Variants in KIFC3 observed in about 807,000 individuals in gnomAD.
KIFC3 encodes the protein kinesin family member C3, also known as kinesin-like protein KIFC3.
In KIFC3, 60 loss-of-function variants were observed where a neutral mutation model predicts 101.8. The ratio of observed to expected loss-of-function variants is 0.59; its 90% confidence interval spans 0.48 to 0.73. KIFC3 has a LOEUF of 0.73. Ranked by LOEUF, KIFC3 falls within the 30% of genes least tolerant of loss-of-function variation. The pLI, the probability that KIFC3 is intolerant of heterozygous loss-of-function variation, is 0.00. For missense variants in KIFC3, 966 were observed against 1,137.1 expected, an observed-to-expected ratio of 0.85 and a Z score of 2.16; for synonymous variants, 476 against 482.7, an observed-to-expected ratio of 0.99 and a Z score of 0.18.
chr16:57,844,864 CAGG>C (rs1688966263), intron 1 of KIFC3, among the ~76,000 whole-genome samples: 2 of 152,298 alleles, frequency 1.3e-5, no homozygotes, highest in South Asian at 4.1e-4. Flanking sequence ...TTGAACAAGG[CAGG>C]CATTCAGTCA....
chr16:57,786,944 C>T (rs943677256), intron 3 of KIFC3, among the ~76,000 whole-genome samples: 8 of 152,204 alleles, frequency 5.3e-5, no homozygotes, highest in South Asian at 2.1e-4. Context: ...ACGCACAGGT[C>T]GGCTCTTCCC....
At position 57,769,009 on chromosome 16, in the gene KIFC3, A is replaced by AT. The variant is rs1346282161; in HGVS notation, c.1218+585dup. On this transcript the variant is annotated intron_variant, in intron 9 of 19. Transcript: ENST00000445690. The surrounding 1 kb of genome is among the most constrained non-coding windows in gnomAD (Gnocchi z 4.3). ...TAATGAACCCTGTCTCTAATAAATAATTTTTTTAAAAAATACGTATGTAGC... is the reference window on the plus strand; with the variant it reads ...TAATGAACCCTGTCTCTAATAAATAATTTTTTTTAAAAAATACGTATGTAGC... Among the ~76,000 whole-genome samples, 4 of 152,212 alleles carry AT rather than the reference A, an allele frequency of 2.6e-5. No individual in the cohort carries two copies. In the South Asian group the frequency reaches 8.3e-4, roughly 32 times the overall value.
At chr16:57,803,485 C>T, upstream of KIFC3, 1 of 435,770 alleles carries the variant, frequency 2.3e-6, no homozygotes, top group Non-Finnish European at 4.6e-6. Context: ...TACTCTGTCC[C>T]TTCCTGCTTG....
At chr16:57,785,756 G>C (rs1227176722) in intron 3 of KIFC3, 2 of 757,982 alleles carry the variant, frequency 2.6e-6, no homozygotes, top group Non-Finnish European at 3.5e-6. Flanking sequence ...GACCACCAGG[G>C]ATGATAGAGG....
chr16:57,855,119 CTTTTTTTTTT>C lies in KIFC3; in HGVS notation c.108+7600_108+7609del, dbSNP rs1229988962. Among the ~76,000 whole-genome samples the C allele has an allele frequency of 1.1e-4, 12 of 105,070 alleles. No homozygotes were observed. The East Asian group carries it at 3.0e-3, about 26-fold the overall frequency. The allele number at this position is 105,070 out of a possible 152,430, so 68.9% of individuals were successfully genotyped here. A position where few individuals can be genotyped will look rare whatever the true frequency, so the allele number is the denominator to read the frequency against. ...AGGGGTTCCCCCTCCCCATTTCTTT[CTTTTTTTTTT>C]TTTTTTTTTTTTTTAGACATGGTCT... On this transcript the variant is annotated intron_variant, in intron 1 of 2. Coordinates refer to the KIFC3 transcript ENST00000563028.
In KIFC3 at chr16:57,774,924, C is replaced by T. The variant is rs782041004; in HGVS notation, c.316-2636G>A. 51 of 1,468,860 alleles carry T rather than the reference C, an allele frequency of 3.5e-5. No homozygotes were observed. In the East Asian group the frequency reaches 7.4e-4, roughly 21 times the overall value. The allele number at this position is 1,468,860 out of a possible 1,614,324, so 91.0% of individuals were successfully genotyped here. ...TTCAAAAGGTTGAAGTCTCCTTCCA[C>T]GCCCCCTCCCTCCCCAGAAAGGCTG... On this transcript the variant is annotated intron_variant, in intron 3 of 19. Transcript: ENST00000445690.
At chr16:57,813,576 C>A in intron 1 of KIFC3, 1 of 592,006 alleles carries the variant, frequency 1.7e-6, no homozygotes. Flanking sequence ...CTCTAACCAC[C>A]TTCTGAGAAT....
chr16:57,768,774 G>A (rs1267054870), intron 9 of KIFC3, among the ~76,000 whole-genome samples: 3 of 152,142 alleles, frequency 2.0e-5, no homozygotes, highest in African/African-American at 7.2e-5. Flanking sequence ...GGAGCTAACG[G>A]CTATAAACAG....
chr16:57,836,206 C>G (rs2055682817), intron 1 of KIFC3, among the ~76,000 whole-genome samples: 1 of 152,142 alleles, frequency 6.6e-6, no homozygotes, highest in Non-Finnish European at 1.5e-5. Context: ...CTTGACCTTC[C>G]TGGGGTCTAG....
At chr16:57,766,794 G>C (rs2050535506) in intron 10 of KIFC3, 80 bp downstream of exon 10, 1 of 869,900 alleles carries the variant, frequency 1.1e-6, no homozygotes, top group Non-Finnish European at 1.9e-6. Context: ...CCTCAATGGT[G>C]GGGTGAGCTC....
Position 57,771,214 on chromosome 16 carries a change from T to G in KIFC3, c.749A>C (p.Gln250Pro). The G allele has an allele frequency of 6.2e-7, 1 of 1,612,730 alleles. No homozygotes were observed. The highest frequency in any genetic ancestry group is 1.1e-5 in the South Asian group (1 of 91,026). Reference sequence around the variant, plus strand: ...AGGGCTCACCTTGACAGGTGGGGACTGGGCCCGCAGGCTGGCAATGGTCTC... The same window carrying G: ...AGGGCTCACCTTGACAGGTGGGGACGGGGCCCGCAGGCTGGCAATGGTCTC... ...SHETIASLRA[Q>P]SPPVKYVIKT... The change falls in exon 6 of 20, where the codon CAG becomes CCG. Residue 250 changes from glutamine (Q) to proline (P), a missense_variant. Coordinates refer to ENST00000445690, the MANE Select transcript of KIFC3 (RefSeq NM_001130100.2).
chr16:57,768,501 A>G (rs2148928824), intron 9 of KIFC3, among the ~76,000 whole-genome samples: 1 of 146,638 alleles, frequency 6.8e-6, no homozygotes, highest in African/African-American at 2.6e-5. Flanking sequence ...AGGGCCTACC[A>G]TATATTCTCA....
chr16:57,825,553 C>G (rs987885452), intron 1 of KIFC3, among the ~76,000 whole-genome samples: 1 of 152,242 alleles, frequency 6.6e-6, no homozygotes, highest in African/African-American at 2.4e-5. Flanking sequence ...AGAGTGGCAG[C>G]TGCCCACCCA....
rs781784622 is a variant in KIFC3 at position 57,766,936 on chromosome 16, C to T, written c.1268G>A (p.Arg423His). 5 of 1,613,072 alleles carry T rather than the reference C, an allele frequency of 3.1e-6. No individual in the cohort carries two copies. The highest frequency in any genetic ancestry group is 2.2e-5 in the South Asian group (2 of 91,070). The change falls in exon 10 of 20, where the codon CGC becomes CAC. Residue 423 changes from arginine to histidine, a missense_variant. By Grantham distance (29) the Arg-to-His change is conservative (BLOSUM62 0). Transcript: ENST00000445690. ...EVNSNNQELL[R>H]KYRRELQLRK... ...CAGCTGCAGCTCGCGGCGGTACTTGCGCAGCAGCTCCTGGTTGTTGCTGTT... is the reference window on the plus strand; with the variant it reads ...CAGCTGCAGCTCGCGGCGGTACTTGTGCAGCAGCTCCTGGTTGTTGCTGTT...
chr16:57,861,807 G>C (rs2149342766), intron 1 of KIFC3, among the ~76,000 whole-genome samples: 1 of 152,152 alleles, frequency 6.6e-6, no homozygotes, highest in South Asian at 2.1e-4. Flanking sequence ...AAATTAGCCG[G>C]GCGTGATGGT....
chr16:57,859,513 G>C (rs142680601), intron 1 of KIFC3, among the ~76,000 whole-genome samples: 1 of 152,190 alleles, frequency 6.6e-6, no homozygotes, highest in Non-Finnish European at 1.5e-5. Flanking sequence ...CTGTTTTCAC[G>C]AAGCTCTCAG....
chr16:57,768,872 G>GT (rs1555605013), intron 9 of KIFC3, among the ~76,000 whole-genome samples: 1 of 152,094 alleles, frequency 6.6e-6, no homozygotes, highest in Non-Finnish European at 1.5e-5. Context: ...CCTAACAGAG[G>GT]TAAGACTGTA....
intron 1 of KIFC3, among the ~76,000 whole-genome samples, chr16:57,839,664 C>A (rs1384491707): frequency 1.3e-5 from 2 of 152,114 alleles, no homozygotes; most frequent in Non-Finnish European, 2.9e-5. Flanking sequence ...TTTTAAATTT[C>A]ATTGAAATTT....
chr16:57,823,067 A>T (rs782451696), intron 1 of KIFC3, among the ~76,000 whole-genome samples: 14 of 152,330 alleles, frequency 9.2e-5, no homozygotes, highest in Admixed American at 7.8e-4. Context: ...AAGCCTCATT[A>T]TACTTTCCTC....
Sources: gnomAD v4.1 joint callset for allele counts (sites outside exome capture counted in the v4.1 genomes callset) on GRCh38, gnomAD v4.1.1 for gene constraint, Gnocchi (gnomAD v3.1) non-coding constraint, MANE v1.5 for transcripts, NCBI Gene and HGNC (gene_info 2026-07-23, HGNC 2026-07-21) for gene names.